The following IL1RL2 variants were observed in gnomAD, a reference collection of about 807,000 sequenced individuals.
IL1RL2 encodes the protein interleukin 1 receptor like 2.
A neutral mutation model predicts 66.8 loss-of-function variants in IL1RL2; 68 were observed. The ratio of observed to expected loss-of-function variants is 1.02; its 90% CI spans 0.84 to 1.25. The LOEUF is 1.25. Among genes scored for constraint, IL1RL2 ranks in the 50% most tolerant of loss-of-function variants. IL1RL2 has a pLI of 0.00. For synonymous variants in IL1RL2, 305 were observed against 264.6 expected (o/e 1.15, Z -1.48); for missense variants, 729 against 709.3 (o/e 1.03, Z -0.32).
intron 5 of IL1RL2, among the ~76,000 whole-genome samples, chr2:102,208,800 T>A (rs1344057237): frequency 6.6e-6 from 1 of 152,268 alleles, no homozygotes; most frequent in Non-Finnish European, 1.5e-5. Flanking sequence ...TCATTTGATT[T>A]AAATATTTTG....
chr2:102,240,285 C>T (rs572373463), downstream of IL1RL2, among the ~76,000 whole-genome samples: 12 of 149,976 alleles, frequency 8.0e-5, no homozygotes, highest in African/African-American at 2.9e-4. Context: ...GCCACCAAAG[C>T]TTTATGTCCT....
chr2:102,215,975 C>T (rs796837019), intron 6 of IL1RL2, among the ~76,000 whole-genome samples: 12 of 152,166 alleles, frequency 7.9e-5, no homozygotes, highest in African/African-American at 2.9e-4. Context: ...AAACAGGAAA[C>T]ATGAAAAAAC....
At position 102,234,952 on chromosome 2, in the gene IL1RL2, T is replaced by C. The variant is rs1241957769; in HGVS notation, c.1353T>C (p.Ile451=). ...AGCTGTGCAGGAGGCTGATTGTCAT[T>C]GTGGTCCCCGAATCGCTGGGCTTTG... is the stretch of plus-strand genomic sequence containing the variant. ...NVKLCRRLIV[I]VVPESLGFGL... The change falls in exon 11 of 12, where the codon ATT becomes ATC. Residue 451 remains isoleucine, a synonymous_variant. Coordinates refer to ENST00000264257, the MANE Select transcript of IL1RL2 (RefSeq NM_003854.4). The C allele has an allele frequency of 3.1e-6, 5 of 1,614,110 alleles. No individual in the cohort carries two copies. In the Admixed American group the frequency reaches 5.0e-5, roughly 16 times the overall value.
chr2:102,195,633 C>CTT (rs1687680053), intron 4 of IL1RL2, among the ~76,000 whole-genome samples: 2 of 27,248 alleles, frequency 7.3e-5, no homozygotes, highest in African/African-American at 9.4e-5. Context: ...TTCTTTCTCT[C>CTT]TCTCTCTCTC....
At chr2:102,195,360 A>C (rs1401120533) in intron 4 of IL1RL2, among the ~76,000 whole-genome samples, 1 of 151,918 alleles carries the variant, frequency 6.6e-6, no homozygotes, top group African/African-American at 2.4e-5. Context: ...TTTCTTCTTG[A>C]AGTTTCATTG....
intron 11 of IL1RL2, 138 bp downstream of exon 11, chr2:102,235,415 A>T: frequency 2.1e-6 from 3 of 1,455,894 alleles, no homozygotes; most frequent in South Asian, 2.8e-5. Flanking sequence ...TAGTGAGAGG[A>T]TCTGTTGTGT....
At chr2:102,186,988 G>T (rs759397341), upstream of IL1RL2, 161 of 1,287,558 alleles carry the variant, frequency 1.3e-4, 1 homozygote, top group South Asian at 2.0e-3. Flanking sequence ...CCACGGTGGC[G>T]GGGAAATACC....
At chr2:102,237,958 C>T (rs1305893041) in intron 11 of IL1RL2, among the ~76,000 whole-genome samples, 1 of 152,156 alleles carries the variant, frequency 6.6e-6, no homozygotes, top group East Asian at 1.9e-4. Flanking sequence ...GGGGTGGGCT[C>T]CAGAATTCTA....
intron 9 of IL1RL2, among the ~76,000 whole-genome samples, chr2:102,228,674 A>G (rs80134240): frequency 2.0e-5 from 2 of 100,168 alleles, no homozygotes; most frequent in Non-Finnish European, 3.9e-5. Context: ...AAACAGTTAG[A>G]GTGATCAAAG....
chr2:102,204,928 C>G (rs1472360009), intron 5 of IL1RL2, among the ~76,000 whole-genome samples: 1 of 151,742 alleles, frequency 6.6e-6, no homozygotes. Flanking sequence ...TTCTCTTCCT[C>G]CTTTCTTTCC....
At chr2:102,187,987 A>T (rs1686844665) in intron 2 of IL1RL2, 62 bp downstream of exon 2, 21 of 1,495,434 alleles carry the variant, frequency 1.4e-5, no homozygotes, top group Non-Finnish European at 1.9e-5. Context: ...CTGGCCTGTC[A>T]TTGGGAGCCC....
chr2:102,205,057 AAT>A (rs1251872473), intron 5 of IL1RL2, among the ~76,000 whole-genome samples: 1 of 152,080 alleles, frequency 6.6e-6, no homozygotes, highest in Admixed American at 6.5e-5. Context: ...GAGGCTTGAA[AAT>A]ACTATTTTAT....
intron 11 of IL1RL2, 32 bp from the exon 12 acceptor site, chr2:102,239,159 GA>G: frequency 6.2e-7 from 1 of 1,609,680 alleles, no homozygotes. Context: ...CACCACATCA[GA>G]AAAGGAGTAA....
chr2:102,242,033 A>G (rs1675244948), downstream of IL1RL2, among the ~76,000 whole-genome samples: 1 of 152,222 alleles, frequency 6.6e-6, no homozygotes, highest in Admixed American at 6.5e-5. Context: ...ATTCATGAAA[A>G]CATAGAGCAG....
intron 4 of IL1RL2, among the ~76,000 whole-genome samples, chr2:102,195,147 T>C (rs754018755): frequency 6.6e-6 from 1 of 152,336 alleles, no homozygotes; most frequent in East Asian, 1.9e-4. Flanking sequence ...TTTGTAGTAG[T>C]TCTTTATAGA....
chr2:102,231,837 CTT>C lies in IL1RL2; in HGVS notation c.1136-1125_1136-1124del, dbSNP rs1031126013. Among the ~76,000 whole-genome samples the C allele has an allele frequency of 4.6e-5, 7 of 152,272 alleles. No homozygotes were observed. In the East Asian group the frequency reaches 1.2e-3, roughly 25 times the overall value. On this transcript the variant is annotated intron_variant, in intron 9 of 11. Transcript: ENST00000264257. ...TAGAGTCTGCTCAATTGCTTTTTCT[CTT>C]GTTTCACAGATGTGAGTCTGTGGGT... is the stretch of plus-strand genomic sequence containing the variant.
intron 4 of IL1RL2, among the ~76,000 whole-genome samples, chr2:102,193,441 T>C (rs1028080948): frequency 7.9e-5 from 12 of 152,208 alleles, no homozygotes; most frequent in Admixed American, 1.3e-4. Context: ...TCTCACTCTG[T>C]TGTCCAGGCT....
intron 2 of IL1RL2, 37 bp from the exon 3 acceptor site, chr2:102,189,039 C>T: frequency 6.7e-7 from 1 of 1,494,458 alleles, no homozygotes; most frequent in South Asian, 1.2e-5. Flanking sequence ...AGTTTTCTTT[C>T]ATGGATAATT....
In IL1RL2 at chr2:102,187,962, C is replaced by G. The variant is rs545490508; in HGVS notation, c.58+37C>G. The G allele has an allele frequency of 8.4e-5, 134 of 1,594,586 alleles. No individual in the cohort carries two copies. The South Asian group carries it at 1.2e-3, about 14-fold the overall frequency. On this transcript the variant is annotated intron_variant, in intron 2 of 11. Coordinates refer to ENST00000264257, the MANE Select transcript of IL1RL2 (RefSeq NM_003854.4). ...GTGTCCTCCGTTCCCAGAGGCTGCC[C>G]GAGTCCACAGGCTCCTGGCCTGTCA...
Sources: allele counts gnomAD v4.1 joint callset (sites outside exome capture counted in the v4.1 genomes callset), GRCh38; gene constraint gnomAD v4.1.1; transcripts MANE v1.5; gene names NCBI Gene and HGNC (gene_info 2026-07-23, HGNC 2026-07-21).